The following SLC38A6 variants were observed in gnomAD, a reference collection of about 807,000 sequenced individuals.
SLC38A6 encodes solute carrier family 38 member 6.
Under a neutral mutation model 65.0 loss-of-function variants are expected in SLC38A6, and 73 were observed. That is an observed-to-expected ratio of 1.12 (90% CI 0.93 to 1.37). SLC38A6 has a LOEUF of 1.37. Among genes scored for constraint, SLC38A6 ranks in the 40% most tolerant of loss-of-function variants. SLC38A6 has a pLI of 0.00. For missense variants in SLC38A6, 561 were observed against 531.1 expected (o/e 1.06, Z -0.55); for synonymous variants, 183 against 178.8 (o/e 1.02, Z -0.19).
At chr14:61,022,733 A>G (rs2040408706) in intron 5 of SLC38A6, among the ~76,000 whole-genome samples, 1 of 152,040 alleles carries the variant, frequency 6.6e-6, no homozygotes. Flanking sequence ...TTTACATTAA[A>G]ACTGAAAAAT....
At chr14:61,013,764 T>C (rs1313079042) in intron 3 of SLC38A6, among the ~76,000 whole-genome samples, 1 of 152,248 alleles carries the variant, frequency 6.6e-6, no homozygotes. Flanking sequence ...GCTGTTAGTC[T>C]GATGGGCTTC....
At chr14:61,028,465 C>A (rs1566673254) in intron 5 of SLC38A6, among the ~76,000 whole-genome samples, 2 of 152,080 alleles carry the variant, frequency 1.3e-5, no homozygotes, top group Non-Finnish European at 2.9e-5. Flanking sequence ...GTGTAGAGTT[C>A]TTTGGAATCG....
At chr14:61,083,282 C>A (rs1044039141) in intron 16 of SLC38A6, among the ~76,000 whole-genome samples, 5 of 152,208 alleles carry the variant, frequency 3.3e-5, no homozygotes, top group African/African-American at 1.2e-4. Context: ...CCTCAGGTGG[C>A]CCTCCCCATG....
At chr14:61,003,613 A>G (rs2038862518) in intron 3 of SLC38A6, among the ~76,000 whole-genome samples, 1 of 152,234 alleles carries the variant, frequency 6.6e-6, no homozygotes. Flanking sequence ...ATGACAGAGC[A>G]GAATTTTAAA....
chr14:61,052,012 CCTCT>C, intron 14 of SLC38A6, 25 bp from the exon 15 acceptor site: 1 of 1,597,758 alleles, frequency 6.3e-7, no homozygotes, highest in African/African-American at 1.3e-5. Flanking sequence ...CCAGCAATAT[CCTCT>C]CTTTTTTTTC....
At chr14:61,004,938 A>G (rs961106580) in intron 3 of SLC38A6, among the ~76,000 whole-genome samples, 13 of 152,174 alleles carry the variant, frequency 8.5e-5, no homozygotes, top group African/African-American at 1.2e-4. Flanking sequence ...AAAATCCTCA[A>G]TAAAATACTG....
At chr14:60,994,982 C>T (rs1397573379) in intron 3 of SLC38A6, among the ~76,000 whole-genome samples, 6 of 115,592 alleles carry the variant, frequency 5.2e-5, no homozygotes, top group Admixed American at 1.2e-4. Flanking sequence ...CCAGCCTGGG[C>T]GACAGAGCAA....
chr14:61,021,200 T>C (rs896157620), intron 5 of SLC38A6, among the ~76,000 whole-genome samples: 2 of 152,164 alleles, frequency 1.3e-5, no homozygotes, highest in Non-Finnish European at 2.9e-5. Flanking sequence ...ATTGATAAAC[T>C]TGTTGAGCAG....
intron 5 of SLC38A6, among the ~76,000 whole-genome samples, chr14:61,020,565 T>C (rs2040294133): frequency 6.6e-6 from 1 of 152,134 alleles, no homozygotes; most frequent in Non-Finnish European, 1.5e-5. Flanking sequence ...TGCCATTGTT[T>C]TAGAATCCTG....
Position 61,051,833 on chromosome 14 carries a change from C to G in SLC38A6, c.1097C>G (p.Ser366Ter). The change falls in exon 14 of 16, where the codon TCA (serine) becomes TGA (stop). Residue 366 changes from serine to a stop codon, truncating the protein, a stop_gained. Transcript: ENST00000267488. LOFTEE classifies it high-confidence loss of function. Reference sequence around the variant, plus strand: ...ATGTTTTTCTCCAATTTTCCATTCTCATGGATTCGCCATTTTTTGATCACT... The same window carrying G: ...ATGTTTTTCTCCAATTTTCCATTCTGATGGATTCGCCATTTTTTGATCACT... ...TMMFFSNFPFSWIRHFLITLA... is the reference protein window; with the variant it reads ...TMMFFSNFPF The G allele has an allele frequency of 1.2e-6, 2 of 1,612,508 alleles. No individual in the cohort carries two copies. Among genetic ancestry groups the G allele is most frequent in the Non-Finnish European group, 8.5e-7 (1 of 1,179,352 alleles).
At chr14:61,008,740 G>T (rs1452007621) in intron 3 of SLC38A6, among the ~76,000 whole-genome samples, 2 of 152,254 alleles carry the variant, frequency 1.3e-5, no homozygotes, top group African/African-American at 2.4e-5. Flanking sequence ...GATGACAAAA[G>T]AAAGTATATG....
intron 3 of SLC38A6, among the ~76,000 whole-genome samples, chr14:61,001,877 T>C (rs1225133659): frequency 1.3e-5 from 2 of 152,244 alleles, no homozygotes; most frequent in Non-Finnish European, 2.9e-5. Context: ...AGTCAGTATC[T>C]TTTTATCTTC....
At chr14:61,068,371 T>G (rs1285486090) in intron 15 of SLC38A6, among the ~76,000 whole-genome samples, 1 of 152,192 alleles carries the variant, frequency 6.6e-6, no homozygotes, top group Non-Finnish European at 1.5e-5. Flanking sequence ...CTCCAAGGGC[T>G]TTCCATCTCA....
chr14:61,078,742 T>A (rs1025987213), intron 15 of SLC38A6: 74 of 158,370 alleles, frequency 4.7e-4, no homozygotes, highest in Non-Finnish European at 6.2e-4. Flanking sequence ...TTTTTTTTTT[T>A]AATTATTTAA....
intron 15 of SLC38A6, among the ~76,000 whole-genome samples, chr14:61,074,998 C>A (rs1305545661): frequency 1.3e-5 from 2 of 151,548 alleles, no homozygotes; most frequent in Non-Finnish European, 2.9e-5. Context: ...AATTTCACCT[C>A]AATCAAAAAA....
In SLC38A6 at chr14:61,062,247, A is replaced by G. The variant is rs1245068645; in HGVS notation, c.1290+10112A>G. ...TAGTTTTATGAGAAATTGCCAAACT[A>G]CCTTCCAAAATGGCTGTAACATTTT... On this transcript the variant is annotated intron_variant, in intron 15 of 16. Coordinates refer to the SLC38A6 transcript ENST00000354886. 4.6e-5 allele frequency among the ~76,000 whole-genome samples: 7 copies of G among 152,316 alleles called. No homozygotes were observed. The East Asian group carries it at 1.4e-3, about 29-fold the overall frequency.
At chr14:61,033,411 A>T (rs1309769856) in intron 6 of SLC38A6, among the ~76,000 whole-genome samples, 1 of 152,070 alleles carries the variant, frequency 6.6e-6, no homozygotes, top group Non-Finnish European at 1.5e-5. Flanking sequence ...GTTCTCTAGG[A>T]AGTATAAAGG....
chr14:61,062,431 A>G (rs557664529), intron 15 of SLC38A6, among the ~76,000 whole-genome samples: 4 of 150,794 alleles, frequency 2.7e-5, no homozygotes, highest in South Asian at 2.1e-4. Flanking sequence ...GCATCTTTTC[A>G]TATGCATATT....
At chr14:61,038,962 T>C (rs919871392) in intron 8 of SLC38A6, among the ~76,000 whole-genome samples, 11 of 152,114 alleles carry the variant, frequency 7.2e-5, no homozygotes, top group Non-Finnish European at 1.6e-4. Context: ...TTGAGAAGTG[T>C]GGTTAGAAGT....
Sources: gnomAD v4.1 joint callset for allele counts (sites outside exome capture counted in the v4.1 genomes callset) on GRCh38, gnomAD v4.1.1 for gene constraint, MANE v1.5 for transcripts, NCBI Gene and HGNC (gene_info 2026-07-23, HGNC 2026-07-21) for gene names.